Variants in STRBP observed in about 807,000 individuals in gnomAD.
STRBP encodes spermatid perinuclear RNA-binding protein.
In STRBP, 13 loss-of-function variants were observed where a neutral mutation model predicts 80.1. The ratio of observed to expected loss-of-function variants is 0.16; its 90% confidence interval spans 0.11 to 0.26. The LOEUF is 0.26. Ranked by LOEUF, STRBP falls within the 10% of genes least tolerant of loss-of-function variation. The pLI is 1.00. For synonymous variants in STRBP, 284 were observed against 291.2 expected, an observed-to-expected ratio of 0.98 and a Z score of 0.25; for missense variants, 485 against 815.2, an observed-to-expected ratio of 0.59 and a Z score of 4.93.
intron 11 of STRBP, among the ~76,000 whole-genome samples, chr9:123,153,067 A>G (rs1422558204): frequency 1.3e-5 from 2 of 152,146 alleles, no homozygotes; most frequent in African/African-American, 2.4e-5. Context: ...TTTGTGGAGA[A>G]CAGATAGAGG....
chr9:123,238,186 G>A (rs549143099), intron 1 of STRBP, among the ~76,000 whole-genome samples: 9 of 152,326 alleles, frequency 5.9e-5, no homozygotes, highest in South Asian at 2.1e-4. Flanking sequence ...GGTAGCTCAC[G>A]CCAGTAATCC....
At chr9:123,216,638 T>C (rs2039907275) in intron 2 of STRBP, among the ~76,000 whole-genome samples, 1 of 152,216 alleles carries the variant, frequency 6.6e-6, no homozygotes, top group South Asian at 2.1e-4. Flanking sequence ...CCACGATTCA[T>C]TCTAAAGATG....
chr9:123,132,811 A>T, intron 17 of STRBP, 34 bp downstream of exon 17: 1 of 1,610,034 alleles, frequency 6.2e-7, no homozygotes, highest in Non-Finnish European at 8.5e-7. Flanking sequence ...TCGGCCCAGT[A>T]AAGGGGGCCA....
chr9:123,267,720 GCCTT>G (rs950487259), intron 1 of STRBP, among the ~76,000 whole-genome samples: 1 of 149,530 alleles, frequency 6.7e-6, no homozygotes, highest in Non-Finnish European at 1.5e-5. Context: ...CGTCCCGGTG[GCCTT>G]CCTAATACCC....
chr9:123,239,211 TA>T (rs2040640280), intron 1 of STRBP, among the ~76,000 whole-genome samples: 1 of 152,020 alleles, frequency 6.6e-6, no homozygotes, highest in African/African-American at 2.4e-5. Context: ...CTGTCTCCAC[TA>T]AAAATACAAA....
intron 2 of STRBP, among the ~76,000 whole-genome samples, chr9:123,229,852 C>T (rs1588134353): frequency 6.6e-6 from 1 of 151,990 alleles, no homozygotes; most frequent in Non-Finnish European, 1.5e-5. Context: ...CATATGATTG[C>T]CTAGGAGCAT....
At chr9:123,169,061 T>C (rs1292211169) in intron 6 of STRBP, among the ~76,000 whole-genome samples, 1 of 151,512 alleles carries the variant, frequency 6.6e-6, no homozygotes, top group Non-Finnish European at 1.5e-5. Context: ...AAAAATTCAG[T>C]CCCCCAATTT....
At chr9:123,178,235 CTT>C (rs2038306684) in intron 4 of STRBP, among the ~76,000 whole-genome samples, 1 of 152,202 alleles carries the variant, frequency 6.6e-6, no homozygotes, top group South Asian at 2.1e-4. Flanking sequence ...TCTGTAACCT[CTT>C]TCACTTACAA....
intron 13 of STRBP, among the ~76,000 whole-genome samples, chr9:123,140,364 G>C (rs2036537592): frequency 6.6e-6 from 1 of 152,194 alleles, no homozygotes; most frequent in South Asian, 2.1e-4. Context: ...GGAAGCCAAG[G>C]CGGGTGGATC....
chr9:123,241,623 G>GA (rs893295928), intron 1 of STRBP, among the ~76,000 whole-genome samples: 77 of 144,324 alleles, frequency 5.3e-4, no homozygotes, highest in Admixed American at 1.7e-3. Context: ...AGTTTTAAAA[G>GA]AAAAAAAAAA....
chr9:123,127,574 T>C (rs960570190), intron 18 of STRBP, among the ~76,000 whole-genome samples: 19 of 152,216 alleles, frequency 1.2e-4, no homozygotes, highest in Admixed American at 1.2e-3. Flanking sequence ...AAAGGGCCAC[T>C]GGAGTTCATT....
At chr9:123,139,508 C>T in intron 14 of STRBP, 21 bp downstream of exon 14, 1 of 1,533,702 alleles carries the variant, frequency 6.5e-7, no homozygotes, top group Non-Finnish European at 8.7e-7. Context: ...TATTTTTTTT[C>T]TGAGAAAAAA....
At chr9:123,235,573 G>A (rs1588142080) in intron 2 of STRBP, among the ~76,000 whole-genome samples, 1 of 42,368 alleles carries the variant, frequency 2.4e-5, no homozygotes, top group African/African-American at 8.1e-5. Context: ...TGGATGAAGA[G>A]ACAAGTTCAG....
intron 1 of STRBP, among the ~76,000 whole-genome samples, chr9:123,239,690 TA>T (rs2040652144): frequency 6.6e-6 from 1 of 152,246 alleles, no homozygotes; most frequent in African/African-American, 2.4e-5. Context: ...TACAATTTAC[TA>T]AATGTCTGGC....
At position 123,160,964 on chromosome 9, in the gene STRBP, A is replaced by C. The variant is rs768243403; in HGVS notation, c.627+13T>G. The C allele has an allele frequency of 1.3e-6, 2 of 1,577,058 alleles. No homozygotes were observed. Among genetic ancestry groups the C allele is most frequent in the South Asian group, 2.4e-5 (2 of 83,912 alleles). Reference sequence around the variant, plus strand: ...AAACTTTAATAACAATAAGATAGTAAGAAAAAGCCAACCTGAAACCATTTG... The same window carrying C: ...AAACTTTAATAACAATAAGATAGTACGAAAAAGCCAACCTGAAACCATTTG... On this transcript the variant is annotated intron_variant, in intron 7 of 18. Coordinates refer to ENST00000348403, the MANE Select transcript of STRBP (RefSeq NM_018387.5).
intron 2 of STRBP, among the ~76,000 whole-genome samples, chr9:123,204,646 G>C (rs1448839966): frequency 6.6e-6 from 1 of 152,152 alleles, no homozygotes. Context: ...TGCTGTGCAT[G>C]GTGGCTCACA....
At chr9:123,162,873 A>G (rs779946321) in intron 6 of STRBP, among the ~76,000 whole-genome samples, 1 of 152,244 alleles carries the variant, frequency 6.6e-6, no homozygotes, top group Non-Finnish European at 1.5e-5. Context: ...AAAATATACA[A>G]GTAGCTCACT....
intron 1 of STRBP, among the ~76,000 whole-genome samples, chr9:123,247,615 TCCAGG>T (rs927843938): frequency 1.5e-4 from 23 of 152,300 alleles, no homozygotes; most frequent in African/African-American, 5.5e-4. Flanking sequence ...AACTGATTAG[TCCAGG>T]CCTCAGTTTT....
At chr9:123,242,338 C>T (rs2040712659) in intron 1 of STRBP, among the ~76,000 whole-genome samples, 1 of 152,138 alleles carries the variant, frequency 6.6e-6, no homozygotes, top group South Asian at 2.1e-4. Context: ...AACAGAAGTT[C>T]ATAAAGATGT....
Sources: allele counts gnomAD v4.1 joint callset (sites outside exome capture counted in the v4.1 genomes callset), GRCh38; gene constraint gnomAD v4.1.1; transcripts MANE v1.5; gene names NCBI Gene and HGNC (gene_info 2026-07-23, HGNC 2026-07-21).